The following C8orf34 variants were observed in gnomAD, a reference collection of about 807,000 sequenced individuals.
C8orf34 encodes chromosome 8 open reading frame 34, also known as uncharacterized protein C8orf34.
Under a neutral mutation model 68.3 loss-of-function variants are expected in C8orf34, and 65 were observed. The ratio of observed to expected loss-of-function variants is 0.95; its 90% CI spans 0.78 to 1.17. C8orf34 has a LOEUF of 1.17. C8orf34 is among the 50% of genes most tolerant of loss of function. C8orf34 has a pLI of 0.00. For synonymous variants in C8orf34, 244 were observed against 241.2 expected (o/e 1.01, Z -0.11); for missense variants, 664 against 655.4 (o/e 1.01, Z -0.14).
intron 1 of C8orf34, among the ~76,000 whole-genome samples, chr8:68,425,577 C>T (rs1810173951): frequency 6.6e-6 from 1 of 151,990 alleles, no homozygotes; most frequent in African/African-American, 2.4e-5. Flanking sequence ...ATGAAAAGTA[C>T]AAAATGCTGG....
rs566066617 is a variant in C8orf34 at position 68,790,289 on chromosome 8, A to G, written c.1549+2753A>G. ...TGACATAAATCTTTGTGAGCCCAGT[A>G]TCTGATTTAGAATTTACAGGCTCAT... On this transcript the variant is annotated intron_variant, in intron 12 of 13. Transcript: ENST00000518698. 2.6e-5 allele frequency among the ~76,000 whole-genome samples: 4 copies of G among 152,344 alleles called. No homozygotes were observed. The South Asian group carries it at 8.3e-4, about 32-fold the overall frequency.
intron 1 of C8orf34, among the ~76,000 whole-genome samples, chr8:68,386,214 T>C (rs1808253393): frequency 6.6e-6 from 1 of 152,180 alleles, no homozygotes; most frequent in Admixed American, 6.6e-5. Context: ...GGCCTATTTA[T>C]TTTGAAATAC....
chr8:68,530,474 C>A, intron 6 of C8orf34: 1 of 255,708 alleles, frequency 3.9e-6, no homozygotes, highest in Non-Finnish European at 8.0e-6. Context: ...TTCAGCTTAA[C>A]ATGTTAGATC....
At chr8:68,330,902 A>T, upstream of C8orf34, 1 of 929,142 alleles carries the variant, frequency 1.1e-6, no homozygotes, top group Non-Finnish European at 1.5e-6. Context: ...CCGCCCCCTG[A>T]TTCCTGCTGC....
intron 7 of C8orf34, among the ~76,000 whole-genome samples, chr8:68,562,878 A>T (rs1007463295): frequency 6.6e-6 from 1 of 152,234 alleles, no homozygotes; most frequent in Non-Finnish European, 1.5e-5. Flanking sequence ...ATGTCTATCA[A>T]ATGTTGAAAC....
chr8:68,773,085 A>G (rs192845950), intron 10 of C8orf34, among the ~76,000 whole-genome samples: 1 of 152,286 alleles, frequency 6.6e-6, no homozygotes, highest in African/African-American at 2.4e-5. Context: ...TAAAATGCCA[A>G]TTCTTTAAAA....
At chr8:68,670,987 C>T (rs1313137166) in intron 8 of C8orf34, among the ~76,000 whole-genome samples, 1 of 152,156 alleles carries the variant, frequency 6.6e-6, no homozygotes, top group Non-Finnish European at 1.5e-5. Context: ...TAATCTCTGT[C>T]TTATCCTCCC....
chr8:68,625,747 T>C, intron 7 of C8orf34: 1 of 536,318 alleles, frequency 1.9e-6, no homozygotes, highest in Non-Finnish European at 3.4e-6. Context: ...AATTTTAGTA[T>C]ATGGCCAGCA....
intron 7 of C8orf34, among the ~76,000 whole-genome samples, chr8:68,613,693 T>A (rs1023188718): frequency 1.3e-5 from 2 of 151,834 alleles, no homozygotes; most frequent in Non-Finnish European, 2.9e-5. Flanking sequence ...CTATCATTGT[T>A]GGACATTTGG....
At chr8:68,767,670 G>C (rs1823220335) in intron 10 of C8orf34, among the ~76,000 whole-genome samples, 1 of 152,118 alleles carries the variant, frequency 6.6e-6, no homozygotes, top group Non-Finnish European at 1.5e-5. Flanking sequence ...GGATCTCACT[G>C]TTATTCAGGC....
At chr8:68,756,023 C>CCT (rs1822848773) in intron 10 of C8orf34, among the ~76,000 whole-genome samples, 2 of 151,312 alleles carry the variant, frequency 1.3e-5, no homozygotes, top group Non-Finnish European at 2.9e-5. Context: ...GCCGAGATTG[C>CCT]GCCACTGCAC....
intron 7 of C8orf34, among the ~76,000 whole-genome samples, chr8:68,628,255 ATTAT>A (rs1053036331): frequency 5.9e-5 from 9 of 152,140 alleles, no homozygotes; most frequent in Non-Finnish European, 1.3e-4. Flanking sequence ...TATAAGCTTG[ATTAT>A]TTATGAGCTT....
At position 68,690,905 on chromosome 8, in the gene C8orf34, C is replaced by G. The variant is rs1820667940; in HGVS notation, c.1242-18089C>G. Among the ~76,000 whole-genome samples, 3 of 151,992 alleles carry G rather than the reference C, an allele frequency of 2.0e-5. 1 individual carries two copies. In the South Asian group the frequency reaches 6.2e-4, roughly 31 times the overall value. ...CTTAACAAGGCCTGTTTGTATAGAA[C>G]TCTCTCAGTCTCAAATTCCCAGCCT... On this transcript the variant is annotated intron_variant, in intron 8 of 13. Transcript: ENST00000518698.
At chr8:68,381,177 A>G (rs1808013984) in intron 1 of C8orf34, among the ~76,000 whole-genome samples, 1 of 152,250 alleles carries the variant, frequency 6.6e-6, no homozygotes, top group Non-Finnish European at 1.5e-5. Context: ...TATCTGAAGC[A>G]GGAAGACTAG....
At chr8:68,444,832 G>T (rs1053441195) in intron 2 of C8orf34, among the ~76,000 whole-genome samples, 19 of 152,116 alleles carry the variant, frequency 1.2e-4, no homozygotes, top group African/African-American at 3.9e-4. Flanking sequence ...TTCCTCTCTG[G>T]CTCCTTTTAA....
intron 1 of C8orf34, among the ~76,000 whole-genome samples, chr8:68,339,230 C>T (rs561803815): frequency 6.5e-4 from 99 of 151,838 alleles, no homozygotes; most frequent in African/African-American, 1.4e-3. Context: ...TTTTAGTCTA[C>T]GTAGAAAATT....
chr8:68,757,527 A>G (rs1585837766), intron 10 of C8orf34, among the ~76,000 whole-genome samples: 1 of 152,210 alleles, frequency 6.6e-6, no homozygotes, highest in East Asian at 1.9e-4. Flanking sequence ...CTTCTGAGGC[A>G]GGTGAATCAC....
intron 1 of C8orf34, among the ~76,000 whole-genome samples, chr8:68,374,070 C>A (rs750483923): frequency 3.3e-5 from 5 of 152,156 alleles, no homozygotes; most frequent in Non-Finnish European, 7.3e-5. Context: ...CGTGCACCAT[C>A]ATGCCCACCT....
chr8:68,735,679 A>G (rs4737915), intron 10 of C8orf34, among the ~76,000 whole-genome samples: 95,386 of 151,900 alleles, frequency 0.63, 30,166 homozygotes, highest in African/African-American at 0.71. Flanking sequence ...TAACTTGAGA[A>G]AGAAAAGAAA....
Sources: gnomAD v4.1 joint callset for allele counts (sites outside exome capture counted in the v4.1 genomes callset) on GRCh38, gnomAD v4.1.1 for gene constraint, MANE v1.5 for transcripts, NCBI Gene and HGNC (gene_info 2026-07-23, HGNC 2026-07-21) for gene names.